Variants in MDGA2 observed in about 807,000 individuals in gnomAD.
The protein encoded by MDGA2 is MAM domain containing glycosylphosphatidylinositol anchor 2.
In MDGA2, 40 loss-of-function variants were observed where a neutral mutation model predicts 117.8. The ratio of observed to expected loss-of-function variants is 0.34; its 90% CI spans 0.26 to 0.44. The LOEUF is 0.44. Among genes scored for constraint, MDGA2 ranks in the 20% least tolerant of loss-of-function variants. The pLI, the probability that MDGA2 is intolerant of heterozygous loss-of-function variation, is 1.00. For synonymous variants in MDGA2, 452 were observed against 439.0 expected (o/e 1.03, Z -0.37); for missense variants, 1,123 against 1,250.6 (o/e 0.90, Z 1.54).
chr14:47,163,007 T>C (rs1239187811), intron 3 of MDGA2, among the ~76,000 whole-genome samples: 4 of 152,224 alleles, frequency 2.6e-5, no homozygotes, highest in Non-Finnish European at 4.4e-5. Flanking sequence ...CTATGTTTCA[T>C]TGGGTATATG....
At chr14:47,594,451 T>G (rs1455209031) in intron 1 of MDGA2, among the ~76,000 whole-genome samples, 1 of 152,184 alleles carries the variant, frequency 6.6e-6, no homozygotes, top group Non-Finnish European at 1.5e-5. Context: ...TGTACAGATT[T>G]CTCTGAAGGA....
intron 1 of MDGA2, among the ~76,000 whole-genome samples, chr14:47,668,963 A>T (rs1232339184): frequency 1.3e-5 from 2 of 152,216 alleles, no homozygotes; most frequent in Non-Finnish European, 2.9e-5. Flanking sequence ...ATGAGGATCA[A>T]ATCAGAGAAT....
chr14:47,584,390 A>G (rs1028844779), intron 1 of MDGA2, among the ~76,000 whole-genome samples: 6 of 151,874 alleles, frequency 4.0e-5, no homozygotes, highest in African/African-American at 1.2e-4. Flanking sequence ...TGGTTGTTCA[A>G]TCAATACTTG....
chr14:47,658,747 G>A (rs115563772), intron 1 of MDGA2, among the ~76,000 whole-genome samples: 6,358 of 152,312 alleles, frequency 0.042, 125 homozygotes, highest in Middle Eastern at 0.068. Flanking sequence ...TTGCCTTCCA[G>A]TAAAGGGAGC....
intron 6 of MDGA2, among the ~76,000 whole-genome samples, chr14:47,086,094 G>GTTTTTTTTTTTTTTTTTT (rs11331632): frequency 7.1e-6 from 1 of 141,774 alleles, no homozygotes. Flanking sequence ...AATGTGTAAG[G>GTTTTTTTTTTTTTTTTTT]TTTTTTTTTT....
intron 3 of MDGA2, among the ~76,000 whole-genome samples, chr14:47,183,244 C>T (rs915117678): frequency 6.6e-6 from 1 of 152,054 alleles, no homozygotes; most frequent in Non-Finnish European, 1.5e-5. Context: ...AATAACTAAG[C>T]CCAGCACAGT....
chr14:47,596,377 T>C (rs1896542660), intron 1 of MDGA2, among the ~76,000 whole-genome samples: 1 of 152,200 alleles, frequency 6.6e-6, no homozygotes, highest in East Asian at 1.9e-4. Context: ...CTTCATCATC[T>C]TCAGAAAGCA....
At chr14:47,014,816 T>C (rs1466234624) in intron 8 of MDGA2, among the ~76,000 whole-genome samples, 1 of 152,218 alleles carries the variant, frequency 6.6e-6, no homozygotes, top group Non-Finnish European at 1.5e-5. Flanking sequence ...TCTTATCATC[T>C]GGTGTTCACT....
chr14:47,087,551 T>C lies in MDGA2; in HGVS notation c.1195+9303A>G, dbSNP rs549056633. Among the ~76,000 whole-genome samples the C allele has an allele frequency of 2.9e-4, 44 of 150,878 alleles. 2 individuals carry two copies. Among genetic ancestry groups the C allele is most frequent in the South Asian group, 2.5e-3 (12 of 4,738 alleles). On this transcript the variant is annotated intron_variant, in intron 6 of 16. Coordinates refer to ENST00000399232, the MANE Select transcript of MDGA2 (RefSeq NM_001113498.3). ...GTTTATGTACTGCAGTTTCTTAGTA[T>C]CACAGAGAAGTAACCAAAGGCCTAT...
At chr14:47,025,056 A>T (rs982610611) in intron 8 of MDGA2, among the ~76,000 whole-genome samples, 17 of 152,180 alleles carry the variant, frequency 1.1e-4, no homozygotes, top group African/African-American at 4.1e-4. Flanking sequence ...AAAAAACAAA[A>T]ATATATTGGA....
intron 1 of MDGA2, among the ~76,000 whole-genome samples, chr14:47,459,479 C>T (rs1893436681): frequency 6.7e-6 from 1 of 148,702 alleles, no homozygotes; most frequent in African/African-American, 2.5e-5. Context: ...TTTCCTTTCC[C>T]TTCCTTCCTT....
intron 9 of MDGA2, among the ~76,000 whole-genome samples, chr14:46,927,339 T>C (rs1884370836): frequency 1.3e-5 from 2 of 152,152 alleles, no homozygotes; most frequent in African/African-American, 2.4e-5. Flanking sequence ...ATTTGATGGG[T>C]TCTACCTATT....
At chr14:47,641,799 G>C (rs1897430209) in intron 1 of MDGA2, among the ~76,000 whole-genome samples, 2 of 152,098 alleles carry the variant, frequency 1.3e-5, no homozygotes, top group Non-Finnish European at 1.5e-5. Context: ...AGGTTGTCAG[G>C]CACTGCATAT....
chr14:47,177,443 C>A (rs1884512905), intron 3 of MDGA2, among the ~76,000 whole-genome samples: 2 of 152,144 alleles, frequency 1.3e-5, no homozygotes, highest in African/African-American at 4.8e-5. Flanking sequence ...AAATGTGGCA[C>A]ATAGACACCA....
intron 2 of MDGA2, 61 bp downstream of exon 2, chr14:47,301,350 C>T: frequency 6.5e-7 from 1 of 1,527,800 alleles, no homozygotes; most frequent in Non-Finnish European, 8.8e-7. Flanking sequence ...AAAATATACA[C>T]TTTTTGACTT....
intron 1 of MDGA2, among the ~76,000 whole-genome samples, chr14:47,302,234 G>A (rs577323121): frequency 2.0e-5 from 3 of 152,172 alleles, no homozygotes; most frequent in Admixed American, 2.0e-4. Context: ...CAGTGCCAAG[G>A]GGCCAGTAAA....
At chr14:47,567,915 T>A (rs1895949640) in intron 1 of MDGA2, among the ~76,000 whole-genome samples, 1 of 152,074 alleles carries the variant, frequency 6.6e-6, no homozygotes, top group African/African-American at 2.4e-5. Context: ...CTTGCTGGCA[T>A]GTTCCAAACA....
chr14:47,306,723 T>TC (rs905991529), intron 1 of MDGA2, among the ~76,000 whole-genome samples: 1 of 152,092 alleles, frequency 6.6e-6, no homozygotes, highest in Non-Finnish European at 1.5e-5. Flanking sequence ...TGTTCACTGG[T>TC]CCCTCTCCTA....
At chr14:47,500,194 G>A (rs1026654579) in intron 1 of MDGA2, among the ~76,000 whole-genome samples, 17 of 152,070 alleles carry the variant, frequency 1.1e-4, no homozygotes, top group African/African-American at 3.4e-4. Flanking sequence ...CCTGTTGACT[G>A]AACTCCTTGG....
Sources: gnomAD v4.1 joint callset for allele counts (sites outside exome capture counted in the v4.1 genomes callset) on GRCh38, gnomAD v4.1.1 for gene constraint, MANE v1.5 for transcripts, NCBI Gene and HGNC (gene_info 2026-07-23, HGNC 2026-07-21) for gene names.